Variants in GRAP2 observed in about 807,000 individuals in gnomAD.
GRAP2 encodes the protein GRB2-related adapter protein 2.
In GRAP2, 31 loss-of-function variants were observed where a neutral mutation model predicts 43.5. That is an observed-to-expected ratio of 0.71 (90% CI 0.54 to 0.96). The LOEUF (loss-of-function observed/expected upper bound fraction) is 0.96, where lower values mean the gene tolerates loss of function less well. Among genes scored for constraint, GRAP2 ranks in the 40% least tolerant of loss-of-function variants. The pLI is 0.00. For synonymous variants in GRAP2, 156 were observed against 164.8 expected (o/e 0.95, Z 0.41); for missense variants, 371 against 424.4 (o/e 0.87, Z 1.11).
At position 39,958,067 on chromosome 22, in the gene GRAP2, C is replaced by G. The variant is rs141317136; in HGVS notation, c.171-1988C>G. ...ACTTCCAACTCCTCATCTCCCGACC[C>G]TTCCCACCAGGCTCCCCATGGGCTG... On this transcript the variant is annotated intron_variant, in intron 3 of 7. Coordinates refer to ENST00000344138, the MANE Select transcript of GRAP2 (RefSeq NM_004810.4). 5.9e-5 allele frequency among the ~76,000 whole-genome samples: 9 copies of G among 152,264 alleles called. No individual in the cohort carries two copies. In the East Asian group the frequency reaches 1.7e-3, roughly 29 times the overall value.
At chr22:39,908,278 G>A (rs2066536558) in intron 1 of GRAP2, among the ~76,000 whole-genome samples, 1 of 152,222 alleles carries the variant, frequency 6.6e-6, no homozygotes, top group African/African-American at 2.4e-5. Context: ...CCCTTGCAAT[G>A]TCCAAATCCC....
At chr22:39,940,986 A>C (rs1218171977) in intron 1 of GRAP2, among the ~76,000 whole-genome samples, 1 of 152,164 alleles carries the variant, frequency 6.6e-6, no homozygotes, top group Non-Finnish European at 1.5e-5. Flanking sequence ...TTGGATTTTA[A>C]ATAAATCAGA....
intron 3 of GRAP2, among the ~76,000 whole-genome samples, chr22:39,957,373 A>G (rs1252481543): frequency 6.6e-6 from 1 of 152,120 alleles, no homozygotes; most frequent in Non-Finnish European, 1.5e-5. Flanking sequence ...CCTTGATTCC[A>G]GGTTCTCTGG....
chr22:39,950,983 G>A (rs2066976499), intron 2 of GRAP2, among the ~76,000 whole-genome samples: 1 of 152,236 alleles, frequency 6.6e-6, no homozygotes, highest in Non-Finnish European at 1.5e-5. Flanking sequence ...AGACTAAACA[G>A]AGGTTTTCAT....
Position 39,972,260 on chromosome 22 carries a change from G to A in GRAP2, c.*1176G>A, listed in dbSNP as rs1189820438. On this transcript the variant is annotated 3_prime_UTR_variant, in exon 8 of 8. Coordinates refer to ENST00000344138, the MANE Select transcript of GRAP2 (RefSeq NM_004810.4). ...CACAGCACAGGTCAGCCTGGCCAGG[G>A]GCGAAGGAGACAGTAGAGAGGAAGC... is the stretch of plus-strand genomic sequence containing the variant. 1 of 152,500 alleles carries A rather than the reference G, an allele frequency of 6.6e-6. No homozygotes were observed. Among genetic ancestry groups the A allele is most frequent in the African/African-American group, 2.4e-5 (1 of 41,478 alleles). The allele number at this position is 152,500 out of a possible 1,614,324, so 9.4% of individuals were successfully genotyped here.
chr22:39,914,506 A>G (rs2066589291), intron 1 of GRAP2, among the ~76,000 whole-genome samples: 1 of 152,202 alleles, frequency 6.6e-6, no homozygotes, highest in South Asian at 2.1e-4. Context: ...ATGAGCTGCA[A>G]AACAAAGTTC....
At chr22:39,932,548 C>CAAAAA (rs137982) in intron 1 of GRAP2, among the ~76,000 whole-genome samples, 12 of 43,376 alleles carry the variant, frequency 2.8e-4, no homozygotes, top group African/African-American at 3.8e-4. Context: ...CCTGTCTCTA[C>CAAAAA]AAAAAAAAAA....
At chr22:39,944,818 A>G (rs1251177346) in intron 1 of GRAP2, among the ~76,000 whole-genome samples, 1 of 152,126 alleles carries the variant, frequency 6.6e-6, no homozygotes, top group Non-Finnish European at 1.5e-5. Flanking sequence ...ATATTTTTTC[A>G]TTTCTAATTT....
rs537581479 is a variant in GRAP2 at position 39,952,345 on chromosome 22, G to A, written c.79-3474G>A. Reference sequence around the variant, plus strand: ...CCCGGCCTCAACGTGTGGTTCTTACGGTGACAAGGTAGTTTCCAAATGGCC... The same window carrying A: ...CCCGGCCTCAACGTGTGGTTCTTACAGTGACAAGGTAGTTTCCAAATGGCC... On this transcript the variant is annotated intron_variant, in intron 2 of 7. Transcript: ENST00000344138. Among the ~76,000 whole-genome samples the A allele has an allele frequency of 2.6e-5, 4 of 152,194 alleles. No homozygotes were observed. The South Asian group carries it at 8.3e-4, about 32-fold the overall frequency.
chr22:39,939,171 A>C (rs2066838476), intron 1 of GRAP2, among the ~76,000 whole-genome samples: 1 of 152,212 alleles, frequency 6.6e-6, no homozygotes, highest in Non-Finnish European at 1.5e-5. Context: ...GATGCAGTAA[A>C]GCCAGAAATG....
Position 39,955,861 on chromosome 22 carries a change from A to G in GRAP2, c.121A>G (p.Ser41Gly), listed in dbSNP as rs138281457. 4.4e-6 allele frequency: 7 copies of G among 1,593,942 alleles called. No individual in the cohort carries two copies. The African/African-American group carries it at 8.1e-5, about 18-fold the overall frequency. ...GGAGTGGTTTAAGGCGGAGCTTGGG[A>G]GCCAGGAAGGATATGTGCCCAAGAA... ...QEEWFKAELG[S>G]QEGYVPKNFI... The change falls in exon 3 of 8, where the codon AGC becomes GGC. Residue 41 changes from serine to glycine, a missense_variant. Physicochemically the swap from Ser to Gly is moderately conservative, Grantham distance 56. Coordinates refer to ENST00000344138, the MANE Select transcript of GRAP2 (RefSeq NM_004810.4).
intron 1 of GRAP2, among the ~76,000 whole-genome samples, chr22:39,929,760 T>G (rs768468265): frequency 1.2e-4 from 19 of 152,242 alleles, no homozygotes; most frequent in Non-Finnish European, 2.6e-4. Context: ...CTACCCAGAC[T>G]TTTTTATTGA....
intron 1 of GRAP2, among the ~76,000 whole-genome samples, chr22:39,940,780 G>A (rs890123230): frequency 2.0e-5 from 3 of 152,114 alleles, no homozygotes; most frequent in African/African-American, 7.2e-5. Flanking sequence ...AGATGACCAC[G>A]AATTCTTTGA....
chr22:39,955,744 G>T, intron 2 of GRAP2, 75 bp from the exon 3 acceptor site: 1 of 760,144 alleles, frequency 1.3e-6, no homozygotes, highest in Non-Finnish European at 2.4e-6. Flanking sequence ...GGCCTTCTTT[G>T]CCTGGCAGCC....
chr22:39,955,881 C>A lies in GRAP2; in HGVS notation c.141C>A (p.Pro47=). ...AELGSQEGYV[P]KNFIDIQFPK... ...TTGGGAGCCAGGAAGGATATGTGCC[C>A]AAGAATTTCATAGACATCCAGTTTC... Residue 47 remains proline (P), a synonymous_variant, in exon 3 of 8, where the codon CCC becomes CCA. Coordinates refer to ENST00000344138, the MANE Select transcript of GRAP2 (RefSeq NM_004810.4). 1 of 1,574,150 alleles carries A rather than the reference C, an allele frequency of 6.4e-7. No individual in the cohort carries two copies. The highest frequency in any genetic ancestry group is 8.7e-7 in the Non-Finnish European group (1 of 1,143,754).
chr22:39,900,641 GCAAAC>G (rs2066487166), upstream of GRAP2, among the ~76,000 whole-genome samples: 2 of 152,178 alleles, frequency 1.3e-5, no homozygotes, highest in Non-Finnish European at 2.9e-5. Flanking sequence ...CTGGACTGTG[GCAAAC>G]CTGGGGTGAG....
chr22:39,947,856 G>T (rs2066940167), intron 2 of GRAP2: 1 of 152,306 alleles, frequency 6.6e-6, no homozygotes, highest in Non-Finnish European at 1.5e-5. Context: ...TAGCCCTTGG[G>T]TTTTTGTTTT....
At position 39,926,686 on chromosome 22, in the gene GRAP2, A is replaced by G. The variant is rs571671595; in HGVS notation, c.-14-20407A>G. 9.2e-5 allele frequency: 91 copies of G among 985,244 alleles called. No homozygotes were observed. The African/African-American group carries it at 1.5e-3, about 16-fold the overall frequency. The allele number at this position is 985,244 out of a possible 1,614,324, so 61.0% of individuals were successfully genotyped here. On this transcript the variant is annotated intron_variant, in intron 1 of 7. Transcript: ENST00000344138. ...GGAGCTGTTTGGAAAATTCGTTGCCATGCATGAGTCGGGGGATTGGTTTTT... is the reference window on the plus strand; with the variant it reads ...GGAGCTGTTTGGAAAATTCGTTGCCGTGCATGAGTCGGGGGATTGGTTTTT...
chr22:39,943,105 C>G (rs945232116), intron 1 of GRAP2, among the ~76,000 whole-genome samples: 1 of 152,196 alleles, frequency 6.6e-6, no homozygotes, highest in Non-Finnish European at 1.5e-5. Flanking sequence ...TCATAGCCAA[C>G]TTAGGAGGAG....
Sources: allele counts gnomAD v4.1 joint callset (sites outside exome capture counted in the v4.1 genomes callset), GRCh38; gene constraint gnomAD v4.1.1; transcripts MANE v1.5; gene names NCBI Gene and HGNC (gene_info 2026-07-23, HGNC 2026-07-21).